Variants in CHN2 observed in about 807,000 individuals in gnomAD.
CHN2 encodes the protein chimerin 2.
Under a neutral mutation model 56.3 loss-of-function variants are expected in CHN2, and 35 were observed. The observed-to-expected ratio is 0.62, with a 90% confidence interval of 0.47 to 0.82. The LOEUF is 0.82. CHN2 is among the 40% of genes least tolerant of loss of function. The pLI is 0.00. For synonymous variants in CHN2, 210 were observed against 212.8 expected (o/e 0.99, Z 0.12); for missense variants, 491 against 580.5 (o/e 0.85, Z 1.58).
At chr7:29,427,605 C>CAT (rs10644271) in intron 6 of CHN2, among the ~76,000 whole-genome samples, 29,230 of 150,624 alleles carry the variant, frequency 0.19, 3,391 homozygotes, top group African/African-American at 0.31. Flanking sequence ...GGTTGCTACT[C>CAT]ATATATCTGT....
intron 1 of CHN2, among the ~76,000 whole-genome samples, chr7:29,244,194 G>C (rs898552534): frequency 2.0e-4 from 30 of 152,168 alleles, no homozygotes; most frequent in African/African-American, 6.5e-4. Flanking sequence ...TCATTTCCGA[G>C]TCTGGGATTT....
chr7:29,173,176 T>G (rs745616826), intron 2 of CHN2, among the ~76,000 whole-genome samples: 3 of 149,504 alleles, frequency 2.0e-5, no homozygotes, highest in Non-Finnish European at 4.4e-5. Flanking sequence ...TAAAAAAACA[T>G]TTTTAAAAAT....
At chr7:29,254,405 C>T (rs1376170485) in intron 1 of CHN2, among the ~76,000 whole-genome samples, 1 of 152,184 alleles carries the variant, frequency 6.6e-6, no homozygotes, top group Non-Finnish European at 1.5e-5. Flanking sequence ...TGCCTTTTCT[C>T]AAGTGAAATT....
chr7:29,258,059 C>T (rs1176331242), intron 1 of CHN2, among the ~76,000 whole-genome samples: 1 of 152,150 alleles, frequency 6.6e-6, no homozygotes, highest in East Asian at 1.9e-4. Context: ...ATTGGGATTA[C>T]AGGTGTGAGC....
intron 3 of CHN2, among the ~76,000 whole-genome samples, chr7:29,370,209 C>A (rs1799499168): frequency 6.6e-6 from 1 of 152,144 alleles, no homozygotes; most frequent in South Asian, 2.1e-4. Flanking sequence ...AGGAGTTGGC[C>A]TCCTGCAAGT....
chr7:29,512,338 A>G (rs976797723), intron 12 of CHN2, among the ~76,000 whole-genome samples: 3 of 152,218 alleles, frequency 2.0e-5, no homozygotes, highest in Admixed American at 6.5e-5. Flanking sequence ...TTCCTGCCAG[A>G]TTCACATAAG....
chr7:29,313,191 G>A (rs764307269), intron 1 of CHN2, among the ~76,000 whole-genome samples: 11 of 152,098 alleles, frequency 7.2e-5, no homozygotes, highest in African/African-American at 9.6e-5. Flanking sequence ...CCCATGACCC[G>A]CCCAATGCCA....
At chr7:29,319,329 G>A (rs931315243) in intron 1 of CHN2, among the ~76,000 whole-genome samples, 2 of 152,182 alleles carry the variant, frequency 1.3e-5, no homozygotes, top group African/African-American at 4.8e-5. Flanking sequence ...GGCTCCAAGC[G>A]AGTTGAGGTT....
At chr7:29,384,254 A>G (rs1003156280) in intron 3 of CHN2, among the ~76,000 whole-genome samples, 4 of 152,200 alleles carry the variant, frequency 2.6e-5, no homozygotes, top group Admixed American at 2.0e-4. Flanking sequence ...GTTCTCTATA[A>G]GTACATTATA....
intron 1 of CHN2, among the ~76,000 whole-genome samples, chr7:29,213,491 G>T (rs978284489): frequency 1.3e-5 from 2 of 152,178 alleles, no homozygotes; most frequent in African/African-American, 4.8e-5. Flanking sequence ...TCTGGCTATA[G>T]ATAAGTAGAT....
chr7:29,370,903 C>T (rs1309026899), intron 3 of CHN2, among the ~76,000 whole-genome samples: 1 of 152,220 alleles, frequency 6.6e-6, no homozygotes, highest in Non-Finnish European at 1.5e-5. Context: ...AAGCAGGGAG[C>T]TCAGCTGCAA....
intron 6 of CHN2, among the ~76,000 whole-genome samples, chr7:29,440,576 A>G: frequency 6.6e-6 from 1 of 151,112 alleles, no homozygotes; most frequent in Admixed American, 6.6e-5. Context: ...CTGTAATCCC[A>G]GCTACTTGGG....
chr7:29,212,829 A>C, intron 1 of CHN2: 1 of 1,608,094 alleles, frequency 6.2e-7, no homozygotes. Context: ...TACCCCAGCC[A>C]CTACTCTTCC....
At chr7:29,351,985 G>A (rs539464586) in intron 1 of CHN2, among the ~76,000 whole-genome samples, 367 of 152,314 alleles carry the variant, frequency 2.4e-3, no homozygotes, top group Non-Finnish European at 4.5e-3. Flanking sequence ...ACAGCCTAAA[G>A]GAGTGTTAAT....
At chr7:29,364,451 C>A (rs1225405204) in intron 2 of CHN2, among the ~76,000 whole-genome samples, 1 of 152,184 alleles carries the variant, frequency 6.6e-6, no homozygotes, top group African/African-American at 2.4e-5. Flanking sequence ...GAGGCATTGA[C>A]AATGGGAAGA....
intron 1 of CHN2, among the ~76,000 whole-genome samples, chr7:29,225,037 A>G (rs1199711753): frequency 6.6e-6 from 1 of 152,184 alleles, no homozygotes; most frequent in Non-Finnish European, 1.5e-5. Flanking sequence ...GGCAATTTGT[A>G]GCCTGCCTGA....
At chr7:29,278,826 C>T (rs756493128) in intron 1 of CHN2, among the ~76,000 whole-genome samples, 3 of 152,084 alleles carry the variant, frequency 2.0e-5, no homozygotes, top group African/African-American at 4.8e-5. Context: ...AAAATTGGCC[C>T]CCTTGGTCTT....
chr7:29,296,570 C>T (rs938998803), intron 1 of CHN2, among the ~76,000 whole-genome samples: 1 of 152,200 alleles, frequency 6.6e-6, no homozygotes, highest in Non-Finnish European at 1.5e-5. Flanking sequence ...TTCAAGAGAG[C>T]ATTTCCCTAA....
chr7:29,510,587 T>C (rs1217229690), intron 12 of CHN2, among the ~76,000 whole-genome samples: 1 of 152,074 alleles, frequency 6.6e-6, no homozygotes, highest in Non-Finnish European at 1.5e-5. Flanking sequence ...GAGGCAACCC[T>C]CAGTTCCTTG....
Sources: gnomAD v4.1 joint callset for allele counts (sites outside exome capture counted in the v4.1 genomes callset) on GRCh38, gnomAD v4.1.1 for gene constraint, MANE v1.5 for transcripts, NCBI Gene and HGNC (gene_info 2026-07-23, HGNC 2026-07-21) for gene names.